CYRIB: variants seen among roughly 807,000 people sequenced by gnomAD.
CYRIB encodes the protein CYFIP-related Rac1 interactor B.
CYRIB carries 8 observed loss-of-function variants against 44.2 expected under a neutral mutation model. The observed-to-expected ratio is 0.18, with a 90% CI of 0.11 to 0.33. CYRIB has a LOEUF of 0.33. Among genes scored for constraint, CYRIB ranks in the 10% least tolerant of loss-of-function variants. The pLI is 1.00. For missense variants in CYRIB, 185 were observed against 382.8 expected (o/e 0.48, Z 4.31); for synonymous variants, 131 against 127.2 (o/e 1.03, Z -0.20).
intron 5 of CYRIB, among the ~76,000 whole-genome samples, chr8:129,860,337 T>C (rs557508385): frequency 8.3e-4 from 126 of 152,286 alleles, no homozygotes; most frequent in African/African-American, 3.0e-3. Context: ...AATTTAACTA[T>C]AAATGCAGCC....
intron 2 of CYRIB, among the ~76,000 whole-genome samples, chr8:129,957,795 C>T (rs1181088296): frequency 6.6e-6 from 1 of 151,978 alleles, no homozygotes; most frequent in East Asian, 1.9e-4. Context: ...GAAACCCCGT[C>T]TCTACTAAAA....
At chr8:130,013,464 G>A (rs2097272112) in intron 1 of CYRIB, among the ~76,000 whole-genome samples, 1 of 152,186 alleles carries the variant, frequency 6.6e-6, no homozygotes, top group Non-Finnish European at 1.5e-5. Flanking sequence ...CCTCTAGAAG[G>A]CTGCACAGCC....
At chr8:129,970,076 T>G (rs2095630637) in intron 2 of CYRIB, among the ~76,000 whole-genome samples, 1 of 152,236 alleles carries the variant, frequency 6.6e-6, no homozygotes, top group African/African-American at 2.4e-5. Flanking sequence ...TTGTATATCC[T>G]GATTTGGGTG....
chr8:130,015,919 C>T (rs1191339329), intron 1 of CYRIB, among the ~76,000 whole-genome samples: 1 of 152,174 alleles, frequency 6.6e-6, no homozygotes, highest in African/African-American at 2.4e-5. Context: ...GTCTTCCAAG[C>T]CCCTGATGGG....
At chr8:129,876,302 C>T (rs2059108805) in intron 3 of CYRIB, among the ~76,000 whole-genome samples, 1 of 151,732 alleles carries the variant, frequency 6.6e-6, no homozygotes, top group South Asian at 2.1e-4. Context: ...CCTGGGAGGT[C>T]AAAGCTGCAG....
At chr8:129,857,335 A>G (rs6993757) in intron 5 of CYRIB, among the ~76,000 whole-genome samples, 3,288 of 152,288 alleles carry the variant, frequency 0.022, 133 homozygotes, top group African/African-American at 0.073. Flanking sequence ...CCCTGAATAA[A>G]TGACTCCTGG....
rs533713420 is a variant in CYRIB, at chr8:129,886,522, C to G, written c.-10-7051G>C. Among the ~76,000 whole-genome samples the G allele has an allele frequency of 1.1e-4, 16 of 152,298 alleles. No individual in the cohort carries two copies. In the East Asian group the frequency reaches 2.9e-3, roughly 28 times the overall value. On this transcript the variant is annotated intron_variant, in intron 2 of 11. Coordinates refer to ENST00000519824, the Ensembl canonical transcript of CYRIB. The stretch of plus-strand genomic sequence containing the variant: ...CAGCTCCCACCCTATTCCCTTGCTT[C>G]TCTTTGCAGCAAAATTCCTTAAAAG...
intron 1 of CYRIB, chr8:130,008,529 T>C (rs2097154887): frequency 6.5e-6 from 1 of 154,310 alleles, no homozygotes; most frequent in Non-Finnish European, 1.5e-5. Flanking sequence ...GCACACACTA[T>C]CATTCCCCAT....
intron 1 of CYRIB, among the ~76,000 whole-genome samples, chr8:130,003,470 C>G (rs1358560683): frequency 2.0e-5 from 3 of 152,214 alleles, no homozygotes; most frequent in Non-Finnish European, 4.4e-5. Context: ...AGCGCAGGGT[C>G]AGGGACACCT....
intron 2 of CYRIB, among the ~76,000 whole-genome samples, chr8:129,970,177 A>T (rs778062349): frequency 6.6e-6 from 1 of 152,230 alleles, no homozygotes; most frequent in Non-Finnish European, 1.5e-5. Context: ...CTCGATTAAA[A>T]TAAAAGTTAA....
chr8:129,936,305 G>A (rs892947137), intron 1 of CYRIB, among the ~76,000 whole-genome samples: 3 of 152,072 alleles, frequency 2.0e-5, no homozygotes, highest in Admixed American at 6.5e-5. Flanking sequence ...CATACCTAAG[G>A]TCTCTGAGCC....
At chr8:129,913,514 C>A (rs566470467) in intron 1 of CYRIB, among the ~76,000 whole-genome samples, 1 of 152,284 alleles carries the variant, frequency 6.6e-6, no homozygotes, top group African/African-American at 2.4e-5. Context: ...TATTTTCCAG[C>A]CACTATGATC....
intron 11 of CYRIB, among the ~76,000 whole-genome samples, chr8:129,846,006 C>T (rs1051759316): frequency 1.8e-4 from 27 of 152,066 alleles, no homozygotes; most frequent in African/African-American, 6.0e-4. Flanking sequence ...CAGGCACATG[C>T]CTGTGATCCC....
At chr8:129,916,412 A>T (rs1055771876) in intron 1 of CYRIB, among the ~76,000 whole-genome samples, 2 of 144,920 alleles carry the variant, frequency 1.4e-5, no homozygotes, top group East Asian at 2.0e-4. Context: ...CTGCTCTATT[A>T]AAAAAAAAAA....
At chr8:129,916,424 C>A (rs930977915) in intron 1 of CYRIB, among the ~76,000 whole-genome samples, 2 of 151,750 alleles carry the variant, frequency 1.3e-5, no homozygotes, top group African/African-American at 2.4e-5. Flanking sequence ...AAAAAAAAAA[C>A]TTCTAATAGC....
chr8:129,876,246 G>A lies in CYRIB; in HGVS notation c.73+3143C>T, dbSNP rs139296039. On this transcript the variant is annotated intron_variant, in intron 3 of 11. Coordinates refer to ENST00000519824, the Ensembl canonical transcript of CYRIB. The stretch of plus-strand genomic sequence containing the variant: ...TGAGTTTTCTGGCAGGTGGGCACCT[G>A]TAATTCCAGCTACTTTTGGGTACTG... Among the ~76,000 whole-genome samples, 126 of 152,252 alleles carry A rather than the reference G, an allele frequency of 8.3e-4. 2 individuals carry two copies. The East Asian group carries it at 0.02, about 24-fold the overall frequency.
chr8:129,857,115 C>A (rs1301923904), intron 5 of CYRIB, among the ~76,000 whole-genome samples: 1 of 151,656 alleles, frequency 6.6e-6, no homozygotes. Flanking sequence ...CTTTTTTTTC[C>A]AGTAAGTCTG....
At chr8:129,945,832 C>T (rs1455060166) in intron 2 of CYRIB, among the ~76,000 whole-genome samples, 1 of 152,148 alleles carries the variant, frequency 6.6e-6, no homozygotes, top group Admixed American at 6.5e-5. Context: ...CCTTGGCCTC[C>T]CAAGGTGCTG....
At chr8:129,849,833 G>C (rs544764775) in intron 9 of CYRIB, 1 of 152,930 alleles carries the variant, frequency 6.5e-6, no homozygotes, top group African/African-American at 2.4e-5. Context: ...AGCACCTATA[G>C]TGAAAAATCA....
Sources: gnomAD v4.1 joint callset for allele counts (sites outside exome capture counted in the v4.1 genomes callset) on GRCh38, gnomAD v4.1.1 for gene constraint, MANE v1.5 for transcripts, NCBI Gene and HGNC (gene_info 2026-07-23, HGNC 2026-07-21) for gene names.